Variants in EIF2S3 observed in about 807,000 individuals in gnomAD.
The protein encoded by EIF2S3 is eukaryotic translation initiation factor 2 subunit gamma.
Under a neutral mutation model 31.7 loss-of-function variants are expected in EIF2S3, and 2 were observed. That is an observed-to-expected ratio of 0.06 (90% CI 0.03 to 0.20). The LOEUF is 0.20. Among genes scored for constraint, EIF2S3 ranks in the 10% least tolerant of loss-of-function variants. The probability of loss-of-function intolerance (pLI) is 1.00; values close to 1 mark genes in which losing one functional copy is unlikely to be tolerated. For missense variants in EIF2S3, 96 were observed against 359.3 expected, an observed-to-expected ratio of 0.27 and a Z score of 5.92; for synonymous variants, 120 against 126.7, an observed-to-expected ratio of 0.95 and a Z score of 0.36.
intron 11 of EIF2S3, among the ~76,000 whole-genome samples, chrX:24,076,502 C>T (rs1455040662): frequency 3.6e-5 from 4 of 111,919 alleles, no homozygotes; most frequent in Non-Finnish European, 5.6e-5. Context: ...CCACCGCACT[C>T]CAGACTGGGT....
At chrX:24,070,986 A>G (rs1930661263) in intron 9 of EIF2S3, among the ~76,000 whole-genome samples, 2 of 111,564 alleles carry the variant, frequency 1.8e-5, no homozygotes, top group African/African-American at 3.3e-5. Context: ...CTAGAAAATC[A>G]GATTTCTAAA....
intron 5 of EIF2S3, among the ~76,000 whole-genome samples, chrX:24,060,689 C>T (rs1423494435): frequency 1.8e-5 from 2 of 110,244 alleles, no homozygotes; most frequent in East Asian, 2.8e-4. Context: ...GCTGCTGGTG[C>T]GGTGGCTCAC....
intron 9 of EIF2S3, among the ~76,000 whole-genome samples, chrX:24,070,801 T>C (rs1319537032): frequency 8.9e-6 from 1 of 111,976 alleles, no homozygotes; most frequent in Non-Finnish European, 1.9e-5. Flanking sequence ...GCAGGTATTC[T>C]GCAAACTACT....
At chrX:24,068,142 G>C in intron 9 of EIF2S3, 34 bp downstream of exon 9, 2 of 1,146,597 alleles carry the variant, frequency 1.7e-6, no homozygotes. Flanking sequence ...TTTAATTTGT[G>C]GCTATTTGTG....
In EIF2S3 at chrX:24,055,005, C is replaced by T. The variant is rs1325835196; in HGVS notation, c.37C>T (p.Pro13Ser). Residue 13 changes from proline (P) to serine (S), a missense_variant, in exon 1 of 12, where the codon CCG (proline) becomes TCG (serine). Physicochemically the swap from Pro to Ser is moderately conservative, Grantham distance 74. Transcript: ENST00000253039. ...AGAAGCTGGAGTGACTCTAGGGCAG[C>T]CGCATCTTTCGCGTCAGGATCTCAC... ...GGEAGVTLGQPHLSRQDLTTL... is the reference protein window; with the variant it reads ...GGEAGVTLGQSHLSRQDLTTL... 1.7e-6 allele frequency: 2 copies of T among 1,209,209 alleles called. No individual in the cohort carries two copies. The highest frequency in any genetic ancestry group is 2.2e-6 in the Non-Finnish European group (2 of 895,117).
Position 24,055,030 on chromosome X carries a change from C to T in EIF2S3, c.62C>T (p.Thr21Ile), listed in dbSNP as rs762705174. ...GQPHLSRQDL[T>I]TLDVTKLTPL... Reference sequence around the variant, plus strand: ...CCGCATCTTTCGCGTCAGGATCTCACCACCTTGGTGAGGTTTTGCTTGGGG... The same window carrying T: ...CCGCATCTTTCGCGTCAGGATCTCATCACCTTGGTGAGGTTTTGCTTGGGG... The change falls in exon 1 of 12, where the codon ACC becomes ATC. Residue 21 changes from threonine to isoleucine, a missense_variant. Physicochemically the swap from Thr to Ile is moderately conservative, Grantham distance 89. This residue lies in a region of EIF2S3 where 27 missense variants were observed against 21.3 expected (regional missense o/e 1.27). Transcript: ENST00000253039. 1 of 1,211,185 alleles carries T rather than the reference C, an allele frequency of 8.3e-7. No individual in the cohort carries two copies. The highest frequency in any genetic ancestry group is 1.1e-6 in the Non-Finnish European group (1 of 895,397).
intron 9 of EIF2S3, among the ~76,000 whole-genome samples, chrX:24,068,500 A>G (rs1203459657): frequency 9.2e-6 from 1 of 108,160 alleles, no homozygotes; most frequent in Admixed American, 1.0e-4. Flanking sequence ...GCTGGAGTGC[A>G]GTGGTGCAAT....
chrX:24,071,156 A>G (rs1930663711), intron 9 of EIF2S3, among the ~76,000 whole-genome samples: 1 of 110,101 alleles, frequency 9.1e-6, no homozygotes, highest in African/African-American at 3.3e-5. Flanking sequence ...GTGTGTAGGT[A>G]TATGCTGTGC....
In EIF2S3 at chrX:24,077,922, A is replaced by C. The variant is rs1485867854; in HGVS notation, c.*1137A>C. ...TTGTGACATAGATTATACTACTACT[A>C]ATTTTTGGATGTTTCAAAAGGTCAA... On this transcript the variant is annotated 3_prime_UTR_variant, in exon 12 of 12. Coordinates refer to ENST00000253039, the MANE Select transcript of EIF2S3 (RefSeq NM_001415.4). 1 of 111,974 alleles carries C rather than the reference A, an allele frequency of 8.9e-6. No individual in the cohort carries two copies. The highest frequency in any genetic ancestry group is 1.9e-5 in the Non-Finnish European group (1 of 53,241). 9.2% of individuals were successfully genotyped at this position (111,974 alleles called of 1,213,427 possible). A position where few individuals can be genotyped will look rare whatever the true frequency, so the allele number is the denominator to read the frequency against.
rs1309412375 is a variant in EIF2S3, at chrX:24,062,595, A to G, written c.637+21A>G. On this transcript the variant is annotated intron_variant, in intron 6 of 11. Coordinates refer to ENST00000253039, the MANE Select transcript of EIF2S3 (RefSeq NM_001415.4). ...CCAAGGTAAGAAGCCATAATATGAA[A>G]TAAATCTATGAATCACTTTGAGAGG... The G allele has an allele frequency of 3.3e-6, 4 of 1,198,531 alleles. No individual in the cohort carries two copies. In the Admixed American group the frequency reaches 9.2e-5, roughly 28 times the overall value.
At chrX:24,068,161 C>T in intron 9 of EIF2S3, 53 bp downstream of exon 9, 1 of 1,093,164 alleles carries the variant, frequency 9.1e-7, no homozygotes, top group Non-Finnish European at 1.2e-6. Flanking sequence ...TGGTACTTTT[C>T]ATGGGGGATG....
intron 4 of EIF2S3, among the ~76,000 whole-genome samples, chrX:24,059,800 T>A (rs1209239620): frequency 8.9e-6 from 1 of 112,025 alleles, no homozygotes; most frequent in Non-Finnish European, 1.9e-5. Flanking sequence ...TTCAAATCAA[T>A]GACATTCTCA....
chrX:24,062,462 T>A lies in EIF2S3; in HGVS notation c.525T>A (p.Ala175=). The A allele has an allele frequency of 8.3e-7, 1 of 1,209,707 alleles. No individual in the cohort carries two copies. The highest frequency in any genetic ancestry group is 3.0e-5 in the East Asian group (1 of 33,789). The change falls in exon 6 of 12, where the codon GCT becomes GCA. Residue 175 remains alanine (A), a synonymous_variant. Coordinates refer to ENST00000253039, the MANE Select transcript of EIF2S3 (RefSeq NM_001415.4). ...CPQPQTSEHL[A]AIEIMKLKHI... ...AGCCTCAGACATCGGAACACCTGGC[T>A]GCTATAGAGATCATGAAACTGAAGC...
intron 8 of EIF2S3, 34 bp downstream of exon 8, chrX:24,066,126 T>G (rs771646943): frequency 2.3e-5 from 22 of 972,100 alleles, no homozygotes; most frequent in East Asian, 6.4e-5. Flanking sequence ...GATTTTGGGT[T>G]TTTTTTTTTT....
At chrX:24,058,613 G>A (rs1321969225) in intron 4 of EIF2S3, among the ~76,000 whole-genome samples, 1 of 102,816 alleles carries the variant, frequency 9.7e-6, no homozygotes, top group Non-Finnish European at 2.0e-5. Flanking sequence ...GCTCACTGCA[G>A]CTTCCACTTC....
chrX:24,068,569 C>G (rs771427726), intron 9 of EIF2S3, among the ~76,000 whole-genome samples: 69 of 109,828 alleles, frequency 6.3e-4, no homozygotes, highest in African/African-American at 2.2e-3. Flanking sequence ...CTCAGCCTCC[C>G]GAGTAGCTGG....
intron 11 of EIF2S3, among the ~76,000 whole-genome samples, chrX:24,075,720 C>G (rs1315490153): frequency 1.8e-5 from 2 of 111,157 alleles, no homozygotes; most frequent in African/African-American, 6.6e-5. Flanking sequence ...CCCCTACCCA[C>G]TATCTACTTC....
At chrX:24,059,955 G>T in intron 4 of EIF2S3, 133 bp from the exon 5 acceptor site, 1 of 471,508 alleles carries the variant, frequency 2.1e-6, no homozygotes. Context: ...CCAAGTTCTA[G>T]AAACGACAAG....
At chrX:24,058,563 GTC>G in intron 4 of EIF2S3, among the ~76,000 whole-genome samples, 1 of 78,115 alleles carries the variant, frequency 1.3e-5, no homozygotes, top group Non-Finnish European at 2.3e-5. Flanking sequence ...TTTTGAGACA[GTC>G]TCTGTTGCCC....
Sources: gnomAD v4.1 joint callset for allele counts (sites outside exome capture counted in the v4.1 genomes callset) on GRCh38, gnomAD v4.1.1 for gene constraint, gnomAD v4.1.1 regional missense constraint, MANE v1.5 for transcripts, NCBI Gene and HGNC (gene_info 2026-07-23, HGNC 2026-07-21) for gene names.